Variants in ETS1 observed in about 807,000 individuals in gnomAD.
ETS1 encodes protein C-ets-1.
In ETS1, 15 loss-of-function variants were observed where a neutral mutation model predicts 58.6. The ratio of observed to expected loss-of-function variants is 0.26; its 90% CI spans 0.17 to 0.39. The LOEUF is 0.39. Among genes scored for constraint, ETS1 ranks in the 10% least tolerant of loss-of-function variants. The pLI is 1.00. For synonymous variants in ETS1, 214 were observed against 218.2 expected (o/e 0.98, Z 0.17); for missense variants, 417 against 610.5 (o/e 0.68, Z 3.34).
At chr11:128,478,852 G>A (rs866637079) in intron 8 of ETS1, among the ~76,000 whole-genome samples, 7 of 152,166 alleles carry the variant, frequency 4.6e-5, no homozygotes, top group Middle Eastern at 3.2e-3. Context: ...TCAAAGATGG[G>A]AAAGGACTCC....
At chr11:128,527,283 C>T (rs1443841105) in intron 3 of ETS1, 1 of 205,730 alleles carries the variant, frequency 4.9e-6, no homozygotes, top group East Asian at 1.6e-4. Flanking sequence ...TAATTATGAA[C>T]CATTCAACTG....
At chr11:128,522,394 G>A in intron 3 of ETS1, 1 of 974,082 alleles carries the variant, frequency 1.0e-6, no homozygotes, top group Non-Finnish European at 1.2e-6. Flanking sequence ...CTCGGCCGCT[G>A]GGTCCGCGCG....
At chr11:128,564,999 C>T (rs1004813837) in intron 2 of ETS1, among the ~76,000 whole-genome samples, 17 of 148,100 alleles carry the variant, frequency 1.1e-4, no homozygotes, top group South Asian at 8.5e-4. Flanking sequence ...AATGAAAATA[C>T]ATTATAAGTT....
At position 128,464,995 on chromosome 11, in the gene ETS1, C is replaced by T. The variant is rs945658232; in HGVS notation, c.1124-1368G>A. ...AGTACTGTGACTTTGCTCTGAGCCA[C>T]GGTTAGCGAAATGGTGGTTCTGGGT... On this transcript the variant is annotated intron_variant, in intron 8 of 9. Transcript: ENST00000392668. The surrounding 1 kb of genome is among the most constrained non-coding windows in gnomAD (Gnocchi z 4.1). Among the ~76,000 whole-genome samples the T allele has an allele frequency of 6.6e-6, 1 of 152,100 alleles. No individual in the cohort carries two copies. Among genetic ancestry groups the T allele is most frequent in the African/African-American group, 2.4e-5 (1 of 41,392 alleles).
At chr11:128,466,657 G>A (rs568682347) in intron 8 of ETS1, among the ~76,000 whole-genome samples, 3 of 152,142 alleles carry the variant, frequency 2.0e-5, no homozygotes, top group African/African-American at 4.8e-5. Flanking sequence ...GTGAGTACTC[G>A]TCAGAGGACT....
intron 3 of ETS1, among the ~76,000 whole-genome samples, chr11:128,548,492 G>C (rs985593409): frequency 1.3e-5 from 2 of 152,178 alleles, no homozygotes; most frequent in African/African-American, 2.4e-5. Context: ...GCCCTACCCA[G>C]CTCTCTTGAT....
At chr11:128,491,627 T>C (rs940461036) in intron 3 of ETS1, among the ~76,000 whole-genome samples, 3 of 152,244 alleles carry the variant, frequency 2.0e-5, no homozygotes, top group Non-Finnish European at 4.4e-5. Context: ...GATCACCTTA[T>C]CCGTTCTGTA....
At chr11:128,559,816 A>G (rs1446254228) in intron 2 of ETS1, among the ~76,000 whole-genome samples, 2 of 152,258 alleles carry the variant, frequency 1.3e-5, no homozygotes, top group Admixed American at 6.5e-5. Flanking sequence ...GAAAAAAAGC[A>G]GGTTATTAAC....
intron 3 of ETS1, among the ~76,000 whole-genome samples, chr11:128,492,609 G>C (rs542263288): frequency 6.6e-6 from 1 of 152,076 alleles, no homozygotes; most frequent in East Asian, 1.9e-4. Context: ...CAGATTGTTA[G>C]GGGGAAGTAA....
intron 3 of ETS1, among the ~76,000 whole-genome samples, chr11:128,546,940 C>T (rs778566774): frequency 1.3e-5 from 2 of 152,168 alleles, no homozygotes; most frequent in Non-Finnish European, 2.9e-5. Context: ...ACCTCCAGCT[C>T]ACTTTAGGGA....
chr11:128,503,734 C>A (rs1341324430), intron 3 of ETS1, among the ~76,000 whole-genome samples: 1 of 152,152 alleles, frequency 6.6e-6, no homozygotes, highest in Non-Finnish European at 1.5e-5. Flanking sequence ...GCTGAATCAT[C>A]CCAGTGTAAT....
intron 3 of ETS1, chr11:128,521,866 GC>G: frequency 1.3e-5 from 20 of 1,529,034 alleles, no homozygotes; most frequent in Non-Finnish European, 1.8e-5. Flanking sequence ...GGGACCCCCG[GC>G]CTCTGGCCGA....
chr11:128,494,535 C>T (rs1397878747), intron 3 of ETS1, among the ~76,000 whole-genome samples: 1 of 152,214 alleles, frequency 6.6e-6, no homozygotes, highest in Non-Finnish European at 1.5e-5. Context: ...AACCCTGAAC[C>T]ACCTCATAGA....
At chr11:128,483,718 C>T (rs1479771599) in intron 7 of ETS1, among the ~76,000 whole-genome samples, 6 of 152,176 alleles carry the variant, frequency 3.9e-5, no homozygotes, top group East Asian at 3.9e-4. Context: ...TCGAAGAAGA[C>T]GACAATGGGC....
chr11:128,500,258 A>T (rs1288538022), intron 3 of ETS1, among the ~76,000 whole-genome samples: 1 of 152,184 alleles, frequency 6.6e-6, no homozygotes, highest in African/African-American at 2.4e-5. Flanking sequence ...GAAAATTGTA[A>T]ACCAGAACAA....
Position 128,521,916 on chromosome 11 carries a change from G to C in ETS1, c.215-31340C>G, listed in dbSNP as rs776231251. On this transcript the variant is annotated intron_variant, in intron 3 of 9. Coordinates refer to ENST00000392668, the MANE Select transcript of ETS1 (RefSeq NM_001143820.2). The stretch of plus-strand genomic sequence containing the variant: ...GGCCTCGGCCGTCGCCACTCACCCG[G>C]GGAGGGGAAAAGCTCCAGATCGACT... The C allele has an allele frequency of 5.6e-6, 9 of 1,599,062 alleles. No homozygotes were observed. In the South Asian group the frequency reaches 1.0e-4, roughly 18 times the overall value.
At chr11:128,584,034 G>A (rs1864926592) in intron 1 of ETS1, among the ~76,000 whole-genome samples, 1 of 152,010 alleles carries the variant, frequency 6.6e-6, no homozygotes, top group Non-Finnish European at 1.5e-5. Context: ...AAAGATTATT[G>A]TGTTAATTTT....
chr11:128,520,550 A>T (rs1863638667), intron 3 of ETS1, among the ~76,000 whole-genome samples: 2 of 152,280 alleles, frequency 1.3e-5, no homozygotes, highest in South Asian at 2.1e-4. Context: ...GAACCCCCAA[A>T]CACAACCATC....
At chr11:128,510,690 T>C (rs61531410) in intron 3 of ETS1, among the ~76,000 whole-genome samples, 1 of 152,196 alleles carries the variant, frequency 6.6e-6, no homozygotes, top group Non-Finnish European at 1.5e-5. Flanking sequence ...ATTATCTTCA[T>C]GCTTGCTATA....
Sources: gnomAD v4.1 joint callset for allele counts (sites outside exome capture counted in the v4.1 genomes callset) on GRCh38, gnomAD v4.1.1 for gene constraint, Gnocchi (gnomAD v3.1) non-coding constraint, MANE v1.5 for transcripts, NCBI Gene and HGNC (gene_info 2026-07-23, HGNC 2026-07-21) for gene names.